The following LRBA variants were observed in gnomAD, a reference collection of about 807,000 sequenced individuals.
LRBA encodes lipopolysaccharide-responsive and beige-like anchor protein.
A neutral mutation model predicts 330.0 loss-of-function variants in LRBA; 176 were observed. That is an observed-to-expected ratio of 0.53 (90% CI 0.47 to 0.60). The LOEUF (loss-of-function observed/expected upper bound fraction) is 0.60. Ranked by LOEUF, LRBA falls within the 20% of genes least tolerant of loss-of-function variation. The pLI, the probability that LRBA is intolerant of heterozygous loss-of-function variation, is 0.00. For missense variants in LRBA, 3,259 were observed against 3,444.8 expected (o/e 0.95, Z 1.35); for synonymous variants, 1,230 against 1,193.0 (o/e 1.03, Z -0.64).
chr4:150,513,918 A>C (rs1762080884), intron 40 of LRBA, among the ~76,000 whole-genome samples: 1 of 152,208 alleles, frequency 6.6e-6, no homozygotes, highest in Non-Finnish European at 1.5e-5. Flanking sequence ...TGGGGATGCG[A>C]GGGAAATAGA....
chr4:150,804,495 C>T (rs1032408697), intron 33 of LRBA, among the ~76,000 whole-genome samples: 1 of 152,136 alleles, frequency 6.6e-6, no homozygotes, highest in Non-Finnish European at 1.5e-5. Context: ...CTTGCATTTC[C>T]ATTATATCCT....
rs774042383 is a variant in LRBA, at chr4:150,828,326, G to A, written c.5025C>T (p.Asn1675=). ...TTCGGAGAATGTCTTTCACATTGACGTTTTTTGAAACTGAAACTGACGGTG... is the reference window on the plus strand; with the variant it reads ...TTCGGAGAATGTCTTTCACATTGACATTTTTTGAAACTGAAACTGACGGTG... The part of the protein sequence containing the change: ...KATPSVSVSK[N]VNVKDILRSL... Residue 1675 remains asparagine (N), a synonymous_variant, in exon 30 of 57, where the codon AAC becomes AAT. Coordinates refer to ENST00000651943, the MANE Select transcript of LRBA (RefSeq NM_001364905.1). 8.7e-6 allele frequency: 14 copies of A among 1,614,128 alleles called. No individual in the cohort carries two copies. The highest frequency in any genetic ancestry group is 1.1e-5 in the Non-Finnish European group (13 of 1,180,006).
chr4:150,336,437 CTCAGAATGCA>C (rs1456686469), intron 48 of LRBA, among the ~76,000 whole-genome samples: 2 of 151,970 alleles, frequency 1.3e-5, no homozygotes, highest in African/African-American at 4.8e-5. Flanking sequence ...CCAAGAAGCA[CTCAGAATGCA>C]TCAGGTAACT....
chr4:150,435,355 A>G (rs1750976422), intron 46 of LRBA, among the ~76,000 whole-genome samples: 1 of 151,898 alleles, frequency 6.6e-6, no homozygotes, highest in Non-Finnish European at 1.5e-5. Flanking sequence ...TGTCTCCAAA[A>G]CAAAAACAAA....
chr4:150,462,712 T>C (rs1754934155), intron 44 of LRBA, among the ~76,000 whole-genome samples: 1 of 151,814 alleles, frequency 6.6e-6, no homozygotes, highest in African/African-American at 2.4e-5. Flanking sequence ...AATAATTCAA[T>C]ACATTTTAAA....
chr4:150,449,538 A>T (rs549256095), intron 44 of LRBA, among the ~76,000 whole-genome samples: 1 of 151,500 alleles, frequency 6.6e-6, no homozygotes, highest in African/African-American at 2.4e-5. Flanking sequence ...AAAAAAAAAA[A>T]CCAGAAAAGT....
intron 41 of LRBA, among the ~76,000 whole-genome samples, chr4:150,489,697 ATAT>A (rs1317969486): frequency 3.1e-5 from 4 of 129,840 alleles, no homozygotes; most frequent in Admixed American, 9.1e-5. Flanking sequence ...AATATATTAT[ATAT>A]TATATATTAT....
At chr4:150,839,652 C>G (rs1306617773) in intron 28 of LRBA, among the ~76,000 whole-genome samples, 2 of 152,196 alleles carry the variant, frequency 1.3e-5, no homozygotes, top group African/African-American at 4.8e-5. Context: ...AAACCAAACA[C>G]TGCATCTTCT....
rs1354852857 is a variant in LRBA, at chr4:150,780,658, T to TAC, written c.5580+17421_5580+17422dup. Among the ~76,000 whole-genome samples the TAC allele has an allele frequency of 2.3e-3, 343 of 149,208 alleles. 1 individual carries two copies. The highest frequency in any genetic ancestry group is 8.1e-3 in the African/African-American group (329 of 40,816). ...ATATATATATATATGTGTATATATA[T>TAC]ACGTGTGTGTGTGTATATATATATA... On this transcript the variant is annotated intron_variant, in intron 34 of 56. Transcript: ENST00000651943.
chr4:150,695,312 G>A (rs1333268047), intron 36 of LRBA, among the ~76,000 whole-genome samples: 1 of 151,966 alleles, frequency 6.6e-6, no homozygotes, highest in African/African-American at 2.4e-5. Flanking sequence ...CTACAGATTC[G>A]ACCAAATTTT....
rs922975366 is a variant in LRBA, at chr4:150,844,753, A to T, written c.4366T>A (p.Leu1456Met). 1.9e-6 allele frequency: 3 copies of T among 1,613,134 alleles called. No individual in the cohort carries two copies. The highest frequency in any genetic ancestry group is 2.5e-6 in the Non-Finnish European group (3 of 1,179,334). Residue 1456 changes from leucine to methionine, a missense_variant, in exon 27 of 57, where the codon TTG (leucine) becomes ATG (methionine). Coordinates refer to ENST00000651943, the MANE Select transcript of LRBA (RefSeq NM_001364905.1). ...LVCAVAVRNC[L>M]ECQQHSQLKT... ...AGTTGTGAATGCTGTTGACACTCCA[A>T]GCAATTCCTTACTGCGACTGCACAA...
intron 47 of LRBA, among the ~76,000 whole-genome samples, chr4:150,391,954 T>C (rs1176889172): frequency 1.4e-5 from 2 of 138,470 alleles, no homozygotes; most frequent in Non-Finnish European, 3.1e-5. Context: ...AGAATCTGAT[T>C]GATACTCTGT....
In LRBA at chr4:150,513,721, C is replaced by T. The variant is rs573006702; in HGVS notation, c.6331-22686G>A. On this transcript the variant is annotated intron_variant, in intron 40 of 56. Transcript: ENST00000651943. ...TGGAGACAGAGAATTTCTCTTTCAT[C>T]GTCTTCTTATAAGGCCAAAGTCCTA... 4.6e-5 allele frequency among the ~76,000 whole-genome samples: 7 copies of T among 152,256 alleles called. No individual in the cohort carries two copies. The South Asian group carries it at 8.3e-4, about 18-fold the overall frequency.
intron 34 of LRBA, among the ~76,000 whole-genome samples, chr4:150,773,797 G>A (rs1736901064): frequency 6.6e-6 from 1 of 152,144 alleles, no homozygotes; most frequent in Non-Finnish European, 1.5e-5. Context: ...ATAATGACAA[G>A]ATGAATTCGA....
Position 150,908,736 on chromosome 4 carries a change from G to C in LRBA, c.1283C>G (p.Ala428Gly). The change falls in exon 10 of 57, where the codon GCC becomes GGC. Residue 428 changes from alanine to glycine, a missense_variant. Transcript: ENST00000651943. The stretch of plus-strand genomic sequence containing the variant: ...AGGAGATGATTCAAGACAAAGCTGG[G>C]CATCTGTAGCCCGTGGATTGTACGT... ...AFTYNPRATD[A>G]QLCLESSPKD... The C allele has an allele frequency of 3.7e-6, 6 of 1,613,926 alleles. No individual in the cohort carries two copies. Among genetic ancestry groups the C allele is most frequent in the Non-Finnish European group, 5.1e-6 (6 of 1,179,846 alleles).
At chr4:150,450,681 A>G (rs529276165) in intron 44 of LRBA, among the ~76,000 whole-genome samples, 1 of 152,302 alleles carries the variant, frequency 6.6e-6, no homozygotes, top group Non-Finnish European at 1.5e-5. Flanking sequence ...CTTTTTGGAA[A>G]CAAAATTCAA....
chr4:150,872,681 A>T lies in LRBA; in HGVS notation c.2240T>A (p.Leu747Ter), dbSNP rs144451686. The change falls in exon 18 of 57, where the codon TTA becomes TAA. Residue 747 changes from leucine (L) to a stop codon, truncating the protein, a stop_gained. Coordinates refer to ENST00000651943, the MANE Select transcript of LRBA (RefSeq NM_001364905.1). LOFTEE classifies it high-confidence loss of function. ...VQALKAMGYFLKHLAPKRKAE... is the reference protein window; with the variant it reads ...VQALKAMGYF ...TACTTACTTTGGGGCCAGATGTTTT[A>T]AAAAATAACCCATTGCCTTAAGAGC... is the stretch of plus-strand genomic sequence containing the variant. The T allele has an allele frequency of 1.2e-6, 2 of 1,608,850 alleles. No individual in the cohort carries two copies. The highest frequency in any genetic ancestry group is 1.7e-6 in the Non-Finnish European group (2 of 1,176,716).
intron 40 of LRBA, among the ~76,000 whole-genome samples, chr4:150,545,607 C>A (rs915724755): frequency 6.6e-6 from 1 of 151,984 alleles, no homozygotes; most frequent in African/African-American, 2.4e-5. Context: ...TATATAATAT[C>A]TAAAACCATT....
intron 2 of LRBA, among the ~76,000 whole-genome samples, chr4:150,964,854 T>C (rs1738705890): frequency 6.6e-6 from 1 of 152,076 alleles, no homozygotes. Context: ...AAAAATGAAT[T>C]TAAAAATGAG....
Sources: allele counts gnomAD v4.1 joint callset (sites outside exome capture counted in the v4.1 genomes callset), GRCh38; gene constraint gnomAD v4.1.1; transcripts MANE v1.5; gene names NCBI Gene and HGNC (gene_info 2026-07-23, HGNC 2026-07-21).